CALN1: variants seen among roughly 807,000 people sequenced by gnomAD.
The protein encoded by CALN1 is calcium-binding protein 8.
CALN1 carries 17 observed loss-of-function variants against 30.6 expected under a neutral mutation model. That is an observed-to-expected ratio of 0.56 (90% CI 0.38 to 0.83). The LOEUF is 0.83. Among genes scored for constraint, CALN1 ranks in the 40% least tolerant of loss-of-function variants. The pLI is 0.00. For missense variants in CALN1, 291 were observed against 354.9 expected, an observed-to-expected ratio of 0.82 and a Z score of 1.45; for synonymous variants, 156 against 131.4, an observed-to-expected ratio of 1.19 and a Z score of -1.28.
chr7:72,166,924 T>G (rs558496976), intron 3 of CALN1, among the ~76,000 whole-genome samples: 1 of 152,006 alleles, frequency 6.6e-6, no homozygotes, highest in Non-Finnish European at 1.5e-5. Context: ...CATGCACCTA[T>G]AGTCTCAGCT....
intron 3 of CALN1, among the ~76,000 whole-genome samples, chr7:72,189,463 C>G (rs1003896363): frequency 6.6e-6 from 1 of 152,138 alleles, no homozygotes; most frequent in Non-Finnish European, 1.5e-5. Flanking sequence ...ATTATTAAAT[C>G]AAGTTACTGC....
At chr7:71,959,830 C>T (rs1797146680) in intron 5 of CALN1, among the ~76,000 whole-genome samples, 1 of 151,944 alleles carries the variant, frequency 6.6e-6, no homozygotes, top group Non-Finnish European at 1.5e-5. Flanking sequence ...CAGTTGTATT[C>T]TTTTTTAAAA....
At chr7:72,344,674 T>C (rs866745511) in intron 2 of CALN1, among the ~76,000 whole-genome samples, 52 of 147,080 alleles carry the variant, frequency 3.5e-4, no homozygotes, top group African/African-American at 1.2e-3. Flanking sequence ...ATATATTTTA[T>C]TTATGTATAT....
chr7:72,373,042 A>G (rs1329166303), intron 2 of CALN1, among the ~76,000 whole-genome samples: 2 of 152,232 alleles, frequency 1.3e-5, no homozygotes, highest in Non-Finnish European at 1.5e-5. Context: ...AGAAAGTCTC[A>G]GCAAAGAAGT....
intron 2 of CALN1, among the ~76,000 whole-genome samples, chr7:72,310,424 C>T (rs1362377235): frequency 6.6e-6 from 1 of 150,436 alleles, no homozygotes; most frequent in Non-Finnish European, 1.5e-5. Context: ...GGCCTAGATG[C>T]AGCAGTGCTA....
chr7:72,238,811 A>G (rs1794648217), intron 3 of CALN1, among the ~76,000 whole-genome samples: 1 of 152,040 alleles, frequency 6.6e-6, no homozygotes, highest in East Asian at 1.9e-4. Context: ...AGTCAATTAA[A>G]CCTCTTTCCT....
At chr7:72,231,272 C>T (rs1189117065) in intron 3 of CALN1, among the ~76,000 whole-genome samples, 4 of 152,172 alleles carry the variant, frequency 2.6e-5, no homozygotes, top group African/African-American at 9.7e-5. Flanking sequence ...TTTCCTAATG[C>T]TCTCCCTCCC....
intron 2 of CALN1, among the ~76,000 whole-genome samples, chr7:72,392,885 G>A (rs1027638213): frequency 1.3e-5 from 2 of 152,026 alleles, no homozygotes; most frequent in African/African-American, 4.8e-5. Flanking sequence ...TGCTGTCCCA[G>A]CTACTTCGGA....
chr7:72,291,300 C>A (rs1360441151), intron 2 of CALN1, among the ~76,000 whole-genome samples: 1 of 152,152 alleles, frequency 6.6e-6, no homozygotes, highest in Non-Finnish European at 1.5e-5. Context: ...AGGCACTAAT[C>A]CTCTTTTTGT....
At chr7:71,968,638 T>A (rs1797643254) in intron 5 of CALN1, among the ~76,000 whole-genome samples, 1 of 151,962 alleles carries the variant, frequency 6.6e-6, no homozygotes, top group Non-Finnish European at 1.5e-5. Flanking sequence ...CATCTCCGCC[T>A]CCCAAAGTGC....
At chr7:72,142,214 C>T (rs1361340308) in intron 3 of CALN1, among the ~76,000 whole-genome samples, 1 of 152,120 alleles carries the variant, frequency 6.6e-6, no homozygotes, top group Non-Finnish European at 1.5e-5. Context: ...AGGGAATTCC[C>T]CTTCCTAGCC....
the CALN1 span, among the ~76,000 whole-genome samples, chr7:72,468,488 AT>A: frequency 2.0e-5 from 3 of 152,020 alleles, no homozygotes; most frequent in Non-Finnish European, 2.9e-5. Context: ...TAATTTTTGT[AT>A]TTTGTGTAGA....
intron 5 of CALN1, among the ~76,000 whole-genome samples, chr7:71,891,712 A>G (rs2116885304): frequency 6.6e-6 from 1 of 152,098 alleles, no homozygotes; most frequent in South Asian, 2.1e-4. Flanking sequence ...GGGAAGCCAA[A>G]GTGGGCAGAT....
chr7:71,945,952 G>C (rs879460197), intron 5 of CALN1, among the ~76,000 whole-genome samples: 1 of 152,230 alleles, frequency 6.6e-6, no homozygotes, highest in Admixed American at 6.5e-5. Context: ...CCAGAGTTCA[G>C]AGAAGTTAGG....
At chr7:72,098,776 A>G (rs994673322) in intron 4 of CALN1, among the ~76,000 whole-genome samples, 8 of 151,142 alleles carry the variant, frequency 5.3e-5, no homozygotes, top group African/African-American at 1.5e-4. Flanking sequence ...ACACACACAC[A>G]CACACACACA....
the CALN1 span, among the ~76,000 whole-genome samples, chr7:72,471,913 C>T: frequency 2.6e-5 from 4 of 152,100 alleles, no homozygotes; most frequent in African/African-American, 9.7e-5. Context: ...AATCCTCCTG[C>T]CTTAATCTCC....
At chr7:72,169,693 C>G (rs979400076) in intron 3 of CALN1, among the ~76,000 whole-genome samples, 5 of 151,412 alleles carry the variant, frequency 3.3e-5, no homozygotes, top group Non-Finnish European at 7.4e-5. Flanking sequence ...TTCTTTTTTC[C>G]TTTTCTTTTC....
chr7:72,080,784 C>T (rs2129538691), intron 4 of CALN1, among the ~76,000 whole-genome samples: 1 of 152,270 alleles, frequency 6.6e-6, no homozygotes, highest in South Asian at 2.1e-4. Context: ...GGAAAGACGC[C>T]TGCTAAGATC....
At chr7:71,959,605 CT>C (rs377085739) in intron 5 of CALN1, among the ~76,000 whole-genome samples, 1 of 146,378 alleles carries the variant, frequency 6.8e-6, no homozygotes, top group African/African-American at 2.6e-5. Flanking sequence ...AGGGTTTTGA[CT>C]TTTTTACCTT....
Sources: allele counts gnomAD v4.1 joint callset (sites outside exome capture counted in the v4.1 genomes callset), GRCh38; gene constraint gnomAD v4.1.1; transcripts MANE v1.5; gene names NCBI Gene and HGNC (gene_info 2026-07-23, HGNC 2026-07-21).